Variants in GTF2E2 observed in about 807,000 individuals in gnomAD.
The protein encoded by GTF2E2 is general transcription factor IIE subunit 2.
GTF2E2 carries 21 observed loss-of-function variants against 40.5 expected under a neutral mutation model. The ratio of observed to expected loss-of-function variants is 0.52; its 90% confidence interval spans 0.37 to 0.75. The LOEUF (loss-of-function observed/expected upper bound fraction) is 0.75, where lower values mean the gene tolerates loss of function less well. Ranked by LOEUF, GTF2E2 falls within the 30% of genes least tolerant of loss-of-function variation. The pLI is 0.00. For missense variants in GTF2E2, 298 were observed against 338.4 expected (o/e 0.88, Z 0.94); for synonymous variants, 117 against 121.6 (o/e 0.96, Z 0.25).
intron 6 of GTF2E2, among the ~76,000 whole-genome samples, chr8:30,606,807 C>CTATAAACAT (rs1829327571): frequency 6.6e-6 from 1 of 152,042 alleles, no homozygotes; most frequent in Admixed American, 6.6e-5. Context: ...TTCAGTTGAG[C>CTATAAACAT]TATAAACATT....
intron 3 of GTF2E2, among the ~76,000 whole-genome samples, chr8:30,632,254 T>C (rs1801459159): frequency 6.6e-6 from 1 of 152,258 alleles, no homozygotes; most frequent in South Asian, 2.1e-4. Context: ...TTACTGTAAT[T>C]CTTTTTCAGT....
At chr8:30,648,991 T>C (rs12680582) in intron 2 of GTF2E2, among the ~76,000 whole-genome samples, 1 of 152,236 alleles carries the variant, frequency 6.6e-6, no homozygotes, top group Non-Finnish European at 1.5e-5. Context: ...CCAATACCTG[T>C]AGCCTAAACT....
chr8:30,589,287 T>G (rs913724750), intron 6 of GTF2E2, among the ~76,000 whole-genome samples: 3 of 152,188 alleles, frequency 2.0e-5, no homozygotes, highest in Non-Finnish European at 2.9e-5. Flanking sequence ...CATGGTGCAA[T>G]GACTCACACC....
intron 1 of GTF2E2, among the ~76,000 whole-genome samples, chr8:30,656,635 C>T (rs1240244863): frequency 3.3e-5 from 5 of 151,940 alleles, no homozygotes; most frequent in Admixed American, 6.6e-5. Context: ...GGTGAAACTC[C>T]GTCTCCATTA....
rs758127157 is a variant in GTF2E2 at position 30,619,073 on chromosome 8, C to G, written c.259-4358G>C. Among the ~76,000 whole-genome samples the G allele has an allele frequency of 6.8e-4, 103 of 152,092 alleles. 1 individual carries two copies. The highest frequency in any genetic ancestry group is 1.2e-3 in the Non-Finnish European group (82 of 67,998). On this transcript the variant is annotated intron_variant, in intron 3 of 7. Transcript: ENST00000355904. ...TCCTCCTGCCTCAGCCTCCGAGTAGCTGAGACTACAGGCATGTGCCACCAC... is the reference window on the plus strand; with the variant it reads ...TCCTCCTGCCTCAGCCTCCGAGTAGGTGAGACTACAGGCATGTGCCACCAC...
chr8:30,612,447 T>C lies in GTF2E2; in HGVS notation c.401A>G (p.Asp134Gly). ...LVNNPKIEVI[D>G]GKYAFKPKYN... ...CTTGGGCTTGAAAGCATACTTCCCA[T>C]CTATTACTTCAATTTTGGGATTGTT... The change falls in exon 5 of 8, where the codon GAT becomes GGT. Residue 134 changes from aspartate to glycine, a missense_variant. By Grantham distance (94) the Asp-to-Gly change is moderately conservative. Transcript: ENST00000355904. 6.2e-7 allele frequency: 1 copy of C among 1,611,874 alleles called. No homozygotes were observed. Among genetic ancestry groups the C allele is most frequent in the Non-Finnish European group, 8.5e-7 (1 of 1,178,570 alleles).
intron 6 of GTF2E2, among the ~76,000 whole-genome samples, chr8:30,594,444 G>A (rs1211524677): frequency 6.6e-6 from 1 of 150,586 alleles, no homozygotes; most frequent in Admixed American, 6.6e-5. Flanking sequence ...TTTTAGTAGA[G>A]ATAGGGTTTC....
intron 2 of GTF2E2, among the ~76,000 whole-genome samples, chr8:30,651,783 G>T (rs933883453): frequency 6.6e-6 from 1 of 152,098 alleles, no homozygotes; most frequent in Non-Finnish European, 1.5e-5. Flanking sequence ...AAATAAAAAA[G>T]AACTAAGTTG....
chr8:30,625,772 T>C (rs1251378361), intron 3 of GTF2E2, among the ~76,000 whole-genome samples: 2 of 152,194 alleles, frequency 1.3e-5, no homozygotes, highest in African/African-American at 4.8e-5. Context: ...GTAATTTTTG[T>C]ATTTTTATTA....
At chr8:30,595,030 C>A (rs570064042) in intron 6 of GTF2E2, among the ~76,000 whole-genome samples, 1 of 152,302 alleles carries the variant, frequency 6.6e-6, no homozygotes, top group South Asian at 2.1e-4. Flanking sequence ...CCTTCTGTCT[C>A]CGTGTTCATT....
intron 1 of GTF2E2, chr8:30,657,629 TCA>T (rs1476748792): frequency 2.6e-5 from 4 of 152,322 alleles, no homozygotes; most frequent in Non-Finnish European, 4.4e-5. Context: ...TCATTTTAAA[TCA>T]CAGTCTTGAG....
At chr8:30,651,308 A>AAAAAACTACG (rs1802269138) in intron 2 of GTF2E2, among the ~76,000 whole-genome samples, 1 of 152,130 alleles carries the variant, frequency 6.6e-6, no homozygotes, top group African/African-American at 2.4e-5. Context: ...GAAACCACAC[A>AAAAAACTACG]AAAAACTACG....
intron 3 of GTF2E2, among the ~76,000 whole-genome samples, chr8:30,625,895 A>G (rs1252166552): frequency 1.3e-5 from 2 of 152,156 alleles, no homozygotes; most frequent in Non-Finnish European, 2.9e-5. Context: ...CACCGTGCCC[A>G]GCCTGCCACT....
At position 30,635,162 on chromosome 8, in the gene GTF2E2, G is replaced by A. The variant is rs1367901796; in HGVS notation, c.167-39C>T. 1.5e-5 allele frequency: 17 copies of A among 1,116,338 alleles called. No homozygotes were observed. In the Admixed American group the frequency reaches 2.0e-4, roughly 13 times the overall value. The allele number at this position is 1,116,338 out of a possible 1,614,324, so 69.2% of individuals were successfully genotyped here. On this transcript the variant is annotated intron_variant, in intron 2 of 7. Transcript: ENST00000355904. ...TCAAAATAACATCGTCATATTATGT[G>A]TGATTATGACTCTTGAGCAGCTAAA...
rs1829511762 is a variant in GTF2E2 at position 30,612,643 on chromosome 8, C to G, written c.367-162G>C. On this transcript the variant is annotated intron_variant, in intron 4 of 7. Transcript: ENST00000355904. Reference sequence around the variant, plus strand: ...CTGGGTTCAAGCGATTCTCCTGCCTCAGCCTCCCTCTCCTGCCTCCCTCCC... The same window carrying G: ...CTGGGTTCAAGCGATTCTCCTGCCTGAGCCTCCCTCTCCTGCCTCCCTCCC... 2.0e-5 allele frequency among the ~76,000 whole-genome samples: 3 copies of G among 152,280 alleles called. No individual in the cohort carries two copies. In the South Asian group the frequency reaches 6.2e-4, roughly 32 times the overall value.
At chr8:30,606,225 T>G (rs1202944065) in intron 6 of GTF2E2, among the ~76,000 whole-genome samples, 1 of 152,224 alleles carries the variant, frequency 6.6e-6, no homozygotes, top group Non-Finnish European at 1.5e-5. Flanking sequence ...ACATGTAAGA[T>G]ACTCAATTGG....
chr8:30,640,258 A>G (rs1022367288), intron 2 of GTF2E2, among the ~76,000 whole-genome samples: 1 of 152,170 alleles, frequency 6.6e-6, no homozygotes, highest in Non-Finnish European at 1.5e-5. Flanking sequence ...GCACCTGAGA[A>G]TTCAATTCAA....
chr8:30,588,483 G>A (rs996955430), intron 6 of GTF2E2, among the ~76,000 whole-genome samples: 2 of 152,246 alleles, frequency 1.3e-5, no homozygotes, highest in South Asian at 4.1e-4. Flanking sequence ...GACAAAAACC[G>A]CATGTTTTCA....
chr8:30,580,091 G>A (rs1386569729), intron 7 of GTF2E2, among the ~76,000 whole-genome samples, 190 bp downstream of exon 7: 1 of 152,158 alleles, frequency 6.6e-6, no homozygotes, highest in Non-Finnish European at 1.5e-5. Context: ...GGTGTAGAAA[G>A]GCACTCACAG....
Sources: allele counts gnomAD v4.1 joint callset (sites outside exome capture counted in the v4.1 genomes callset), GRCh38; gene constraint gnomAD v4.1.1; transcripts MANE v1.5; gene names NCBI Gene and HGNC (gene_info 2026-07-23, HGNC 2026-07-21).